The following CSMD1 variants were observed in gnomAD, a reference collection of about 807,000 sequenced individuals.
CSMD1 encodes CUB and sushi domain-containing protein 1.
Under a neutral mutation model 417.5 loss-of-function variants are expected in CSMD1, and 213 were observed. The observed-to-expected ratio is 0.51, with a 90% CI of 0.46 to 0.57. The LOEUF is 0.57. Among genes scored for constraint, CSMD1 ranks in the 20% least tolerant of loss-of-function variants. The probability of loss-of-function intolerance (pLI) is 0.00; values close to 1 mark genes in which losing one functional copy is unlikely to be tolerated. For missense variants in CSMD1, 6,923 were observed against 4,529.7 expected (o/e 1.53, Z -15.17); for synonymous variants, 2,862 against 1,736.8 (o/e 1.65, Z -16.11).
intron 41 of CSMD1, among the ~76,000 whole-genome samples, chr8:3,118,795 T>C (rs545046049): frequency 6.6e-6 from 1 of 152,290 alleles, no homozygotes; most frequent in South Asian, 2.1e-4. Context: ...ATTTAATAAA[T>C]AGTGTGTACT....
At chr8:3,403,198 C>T (rs1445378531) in intron 15 of CSMD1, among the ~76,000 whole-genome samples, 1 of 152,162 alleles carries the variant, frequency 6.6e-6, no homozygotes, top group Non-Finnish European at 1.5e-5. Context: ...AAACACTTTT[C>T]AAGAAAAACA....
At chr8:3,919,046 G>T (rs987358358) in intron 5 of CSMD1, among the ~76,000 whole-genome samples, 2 of 151,846 alleles carry the variant, frequency 1.3e-5, no homozygotes, top group Non-Finnish European at 2.9e-5. Context: ...TAAAAAATAT[G>T]TGGTTGTAAA....
intron 5 of CSMD1, among the ~76,000 whole-genome samples, chr8:3,934,791 G>A (rs137968964): frequency 0.077 from 11,704 of 152,154 alleles, 598 homozygotes; most frequent in Non-Finnish European, 0.12. Context: ...AGGTTACAGT[G>A]AGCCAAAATC....
At chr8:4,473,959 G>T (rs148934898) in intron 2 of CSMD1, among the ~76,000 whole-genome samples, 31 of 152,162 alleles carry the variant, frequency 2.0e-4, no homozygotes, top group African/African-American at 7.0e-4. Context: ...ACTGGGGGGA[G>T]GATTTAGGTA....
chr8:3,605,117 C>G (rs1045751754), intron 8 of CSMD1, among the ~76,000 whole-genome samples: 3 of 152,174 alleles, frequency 2.0e-5, no homozygotes, highest in Non-Finnish European at 4.4e-5. Flanking sequence ...GCCTCAGCCT[C>G]CCGAGTAGCT....
intron 3 of CSMD1, among the ~76,000 whole-genome samples, chr8:4,205,923 C>A (rs183468010): frequency 2.6e-5 from 4 of 152,152 alleles, no homozygotes; most frequent in Non-Finnish European, 5.9e-5. Flanking sequence ...CCTGCAGCCA[C>A]GTTTTTCTGA....
intron 3 of CSMD1, among the ~76,000 whole-genome samples, chr8:4,375,184 T>C (rs1197410483): frequency 6.6e-6 from 1 of 152,020 alleles, no homozygotes; most frequent in Non-Finnish European, 1.5e-5. Context: ...GCAAGAAATA[T>C]GGAGTGTTTT....
intron 56 of CSMD1, among the ~76,000 whole-genome samples, 165 bp downstream of exon 56, chr8:2,974,286 A>G (rs924542228): frequency 3.3e-5 from 5 of 152,254 alleles, no homozygotes; most frequent in Admixed American, 2.0e-4. Flanking sequence ...GATGAAGACA[A>G]TATCTATAAG....
intron 2 of CSMD1, among the ~76,000 whole-genome samples, chr8:4,591,615 G>A (rs1585299407): frequency 1.3e-5 from 2 of 152,160 alleles, no homozygotes; most frequent in South Asian, 4.2e-4. Context: ...AGTGATGGCG[G>A]AACTGGGCCT....
At chr8:3,389,100 T>A (rs35484775) in intron 17 of CSMD1, among the ~76,000 whole-genome samples, 2,012 of 152,298 alleles carry the variant, frequency 0.013, 47 homozygotes, top group East Asian at 0.097. Context: ...GGTGAATGAT[T>A]TTTTGTTGTT....
intron 3 of CSMD1, among the ~76,000 whole-genome samples, chr8:4,223,965 C>A (rs1440988274): frequency 6.6e-6 from 1 of 152,152 alleles, no homozygotes; most frequent in African/African-American, 2.4e-5. Flanking sequence ...ACTAGTCCAA[C>A]CACTTTTGAG....
intron 7 of CSMD1, among the ~76,000 whole-genome samples, chr8:3,697,620 T>G (rs1187868621): frequency 6.6e-6 from 1 of 152,194 alleles, no homozygotes; most frequent in East Asian, 1.9e-4. Context: ...TGACTGCTGC[T>G]GGAATTGTTT....
At chr8:4,066,316 A>T (rs1228017534) in intron 3 of CSMD1, among the ~76,000 whole-genome samples, 1 of 152,124 alleles carries the variant, frequency 6.6e-6, no homozygotes, top group Non-Finnish European at 1.5e-5. Flanking sequence ...TGGCTCTTAA[A>T]GGTGTTCTGC....
At chr8:4,653,067 C>T (rs1431243342) in intron 1 of CSMD1, among the ~76,000 whole-genome samples, 4 of 152,060 alleles carry the variant, frequency 2.6e-5, no homozygotes, top group East Asian at 1.9e-4. Flanking sequence ...TTGGGGACCC[C>T]GCTCTAGAGG....
chr8:3,071,189 G>C (rs573921784), intron 49 of CSMD1, among the ~76,000 whole-genome samples: 1 of 152,250 alleles, frequency 6.6e-6, no homozygotes, highest in East Asian at 1.9e-4. Context: ...CTCCAGCATT[G>C]GGCATTACAA....
intron 3 of CSMD1, among the ~76,000 whole-genome samples, chr8:4,259,643 C>A (rs58039509): frequency 1.3e-5 from 2 of 152,072 alleles, no homozygotes; most frequent in South Asian, 4.1e-4. Context: ...TTACCCAAAA[C>A]AATGCCATTC....
At chr8:4,274,653 A>G (rs1383168937) in intron 3 of CSMD1, among the ~76,000 whole-genome samples, 1 of 152,172 alleles carries the variant, frequency 6.6e-6, no homozygotes, top group Non-Finnish European at 1.5e-5. Flanking sequence ...GGTCTCCATT[A>G]AATTTACTTA....
intron 33 of CSMD1, among the ~76,000 whole-genome samples, chr8:3,193,907 C>T (rs766737181): frequency 3.1e-4 from 47 of 152,186 alleles, no homozygotes; most frequent in African/African-American, 1.1e-3. Flanking sequence ...TCCTTTACTG[C>T]ACCTCTGTTA....
intron 7 of CSMD1, among the ~76,000 whole-genome samples, chr8:3,692,131 G>A (rs1306091504): frequency 6.6e-6 from 1 of 152,054 alleles, no homozygotes; most frequent in African/African-American, 2.4e-5. Context: ...ACTGCATCCG[G>A]GTCTCCTATC....
Sources: gnomAD v4.1 joint callset for allele counts (sites outside exome capture counted in the v4.1 genomes callset) on GRCh38, gnomAD v4.1.1 for gene constraint, MANE v1.5 for transcripts, NCBI Gene and HGNC (gene_info 2026-07-23, HGNC 2026-07-21) for gene names.